Variants in PDZD2 observed in about 807,000 individuals in gnomAD.
PDZD2 encodes the protein PDZ domain containing 2.
In PDZD2, 90 loss-of-function variants were observed where a neutral mutation model predicts 220.7. The observed-to-expected ratio is 0.41, with a 90% CI of 0.34 to 0.49. The LOEUF (loss-of-function observed/expected upper bound fraction) is 0.49. Among genes scored for constraint, PDZD2 ranks in the 20% least tolerant of loss-of-function variants. The pLI, the probability that PDZD2 is intolerant of heterozygous loss-of-function variation, is 0.28. For missense variants in PDZD2, 3,174 were observed against 3,608.5 expected (o/e 0.88, Z 3.08); for synonymous variants, 1,375 against 1,450.5 (o/e 0.95, Z 1.18).
intron 6 of PDZD2, among the ~76,000 whole-genome samples, chr5:32,027,057 C>T (rs895705020): frequency 6.6e-6 from 1 of 152,122 alleles, no homozygotes; most frequent in Non-Finnish European, 1.5e-5. Flanking sequence ...TGTGTGCCAC[C>T]ACGCCCGGCT....
chr5:32,089,870 C>T lies in PDZD2; in HGVS notation c.6422C>T (p.Thr2141Ile), dbSNP rs1320528518. The T allele has an allele frequency of 6.2e-7, 1 of 1,613,164 alleles. No individual in the cohort carries two copies. The highest frequency in any genetic ancestry group is 1.3e-5 in the African/African-American group (1 of 75,058). ...RLYRQVAESS[T>I]SHPSSLPSHA... ...TATCGCCAGGTCGCAGAATCATCCA[C>T]AAGTCATCCATCCTCACTCCCATCT... is the stretch of plus-strand genomic sequence containing the variant. The change falls in exon 20 of 25, where the codon ACA becomes ATA. Residue 2141 changes from threonine (T) to isoleucine (I), a missense_variant. By Grantham distance (89) the Thr-to-Ile change is moderately conservative (BLOSUM62 -1). Coordinates refer to ENST00000438447, the MANE Select transcript of PDZD2 (RefSeq NM_178140.4).
rs564148937 is a variant in PDZD2 at position 31,689,124 on chromosome 5, A to G, written c.-361+49687A>G. Among the ~76,000 whole-genome samples the G allele has an allele frequency of 4.6e-5, 7 of 151,740 alleles. No individual in the cohort carries two copies. In the East Asian group the frequency reaches 1.2e-3, roughly 25 times the overall value. ...GCTCTTGTCACTCAGGCTGGAGGGC[A>G]GTGGAGTGATCTTGACTCGCTACAA... On this transcript the variant is annotated intron_variant, in intron 1 of 24. Transcript: ENST00000438447.
intron 1 of PDZD2, among the ~76,000 whole-genome samples, chr5:31,745,794 T>C (rs997005525): frequency 7.0e-6 from 1 of 143,218 alleles, no homozygotes; most frequent in Admixed American, 7.8e-5. Flanking sequence ...AGGTGTTTCC[T>C]AACTCATGTA....
At chr5:31,843,254 AC>A (rs1757418633) in intron 2 of PDZD2, 1 of 149,886 alleles carries the variant, frequency 6.7e-6, no homozygotes, top group Admixed American at 6.7e-5. Flanking sequence ...GGGCATATTA[AC>A]AACAACTTTT....
At chr5:31,845,160 G>T (rs1419844768) in intron 2 of PDZD2, among the ~76,000 whole-genome samples, 2 of 152,194 alleles carry the variant, frequency 1.3e-5, no homozygotes, top group Admixed American at 1.3e-4. Context: ...TCCCTGCGGG[G>T]ATAGGGGAAG....
intron 7 of PDZD2, among the ~76,000 whole-genome samples, chr5:32,038,221 G>A (rs1284494625): frequency 1.3e-5 from 2 of 150,142 alleles, no homozygotes; most frequent in Non-Finnish European, 3.0e-5. Flanking sequence ...GTATTTTATG[G>A]CTGTGTTGGT....
At chr5:31,744,886 T>A (rs192430791) in intron 1 of PDZD2, among the ~76,000 whole-genome samples, 1 of 151,612 alleles carries the variant, frequency 6.6e-6, no homozygotes, top group Non-Finnish European at 1.5e-5. Context: ...CTGGCTAACA[T>A]GGTGAAACCC....
Position 31,911,536 on chromosome 5 carries a change from T to G in PDZD2, c.477-71619T>G, listed in dbSNP as rs548338041. On this transcript the variant is annotated intron_variant, in intron 2 of 24. Coordinates refer to ENST00000438447, the MANE Select transcript of PDZD2 (RefSeq NM_178140.4). Reference sequence around the variant, plus strand: ...AGCTGACTCCTACAGTCCTTCCCGCTTCCTTTCGTTTCTCTGTTTTCTTGC... The same window carrying G: ...AGCTGACTCCTACAGTCCTTCCCGCGTCCTTTCGTTTCTCTGTTTTCTTGC... 7.7e-4 allele frequency among the ~76,000 whole-genome samples: 118 copies of G among 152,348 alleles called. 4 individuals carry two copies. Among genetic ancestry groups the G allele is most frequent in the Admixed American group, 7.3e-3 (111 of 15,298 alleles).
At chr5:31,768,896 T>TC (rs375187005) in intron 1 of PDZD2, among the ~76,000 whole-genome samples, 9 of 152,180 alleles carry the variant, frequency 5.9e-5, no homozygotes, top group African/African-American at 1.9e-4. Flanking sequence ...ATACTGGGAA[T>TC]CCTTGTCTTT....
intron 2 of PDZD2, among the ~76,000 whole-genome samples, chr5:31,822,181 A>G (rs1755913979): frequency 6.6e-6 from 1 of 152,038 alleles, no homozygotes; most frequent in Admixed American, 6.5e-5. Context: ...TTATAGTAGA[A>G]TGAGTTATAA....
chr5:31,794,782 G>A (rs1376482648), intron 1 of PDZD2, among the ~76,000 whole-genome samples: 1 of 152,060 alleles, frequency 6.6e-6, no homozygotes, highest in Non-Finnish European at 1.5e-5. Flanking sequence ...TACAAAGTTA[G>A]TTTCCTTTTA....
rs532784648 is a variant in PDZD2 at position 31,942,993 on chromosome 5, A to G, written c.477-40162A>G. On this transcript the variant is annotated intron_variant, in intron 2 of 24. Coordinates refer to ENST00000438447, the MANE Select transcript of PDZD2 (RefSeq NM_178140.4). ...CAAGGCGGGTGGATCACCTGAGGTCAGGAGTTCGAGACCAGCCTGGCCAAC... is the reference window on the plus strand; with the variant it reads ...CAAGGCGGGTGGATCACCTGAGGTCGGGAGTTCGAGACCAGCCTGGCCAAC... Among the ~76,000 whole-genome samples, 3 of 152,316 alleles carry G rather than the reference A, an allele frequency of 2.0e-5. No individual in the cohort carries two copies. The East Asian group carries it at 5.8e-4, about 29-fold the overall frequency.
chr5:31,982,077 C>T (rs544223887), intron 2 of PDZD2, among the ~76,000 whole-genome samples: 6 of 152,302 alleles, frequency 3.9e-5, no homozygotes, highest in South Asian at 2.1e-4. Context: ...TTTATTCCTC[C>T]GACTGTTCCT....
intron 19 of PDZD2, among the ~76,000 whole-genome samples, chr5:32,080,208 CGTGGTG>C (rs1741780781): frequency 6.6e-6 from 1 of 151,828 alleles, no homozygotes. Context: ...ATTAGCCAGA[CGTGGTG>C]GTGGGCACCT....
intron 1 of PDZD2, among the ~76,000 whole-genome samples, chr5:31,781,978 T>G (rs998144645): frequency 9.9e-5 from 15 of 152,082 alleles, no homozygotes; most frequent in African/African-American, 3.4e-4. Flanking sequence ...CCAAGTCAGG[T>G]GATGAGCTGT....
chr5:31,807,519 C>T (rs1270247049), intron 2 of PDZD2, among the ~76,000 whole-genome samples: 1 of 152,228 alleles, frequency 6.6e-6, no homozygotes, highest in African/African-American at 2.4e-5. Context: ...CAGAGCACAG[C>T]ATGCATCTGA....
intron 2 of PDZD2, among the ~76,000 whole-genome samples, chr5:31,953,660 A>AT (rs34296923): frequency 1.3e-4 from 18 of 138,578 alleles, no homozygotes; most frequent in African/African-American, 2.2e-4. Context: ...TAAAAAAAAA[A>AT]TTTTTTTTTT....
At chr5:31,856,147 C>T (rs1340642205) in intron 2 of PDZD2, among the ~76,000 whole-genome samples, 13 of 152,248 alleles carry the variant, frequency 8.5e-5, no homozygotes, top group East Asian at 1.9e-4. Flanking sequence ...ACTCTCAATT[C>T]AACTTTGCAG....
intron 1 of PDZD2, among the ~76,000 whole-genome samples, chr5:31,691,529 GGCGCCACCTGCTTTTATTCTCTTATC>G: frequency 6.6e-6 from 1 of 150,948 alleles, no homozygotes; most frequent in Non-Finnish European, 1.5e-5. Flanking sequence ...TCTCTTATCT[GGCGCCACCTGCTTTTATTCTCTTATC>G]TGGCGCCACC....
Sources: gnomAD v4.1 joint callset for allele counts (sites outside exome capture counted in the v4.1 genomes callset) on GRCh38, gnomAD v4.1.1 for gene constraint, MANE v1.5 for transcripts, NCBI Gene and HGNC (gene_info 2026-07-23, HGNC 2026-07-21) for gene names.